The following RARB variants were observed in gnomAD, a reference collection of about 807,000 sequenced individuals.
The protein encoded by RARB is HBV-activated protein.
A neutral mutation model predicts 51.9 loss-of-function variants in RARB; 17 were observed. The observed-to-expected ratio is 0.33, with a 90% CI of 0.22 to 0.49. The LOEUF is 0.49. Ranked by LOEUF, RARB falls within the 20% of genes least tolerant of loss-of-function variation. The pLI is 0.99. For missense variants in RARB, 369 were observed against 550.8 expected, an observed-to-expected ratio of 0.67 and a Z score of 3.30; for synonymous variants, 215 against 195.4, an observed-to-expected ratio of 1.10 and a Z score of -0.84.
At chr3:25,557,505 G>C (rs1700109006) in intron 3 of RARB, among the ~76,000 whole-genome samples, 1 of 152,078 alleles carries the variant, frequency 6.6e-6, no homozygotes, top group South Asian at 2.1e-4. Flanking sequence ...TGGCACATGG[G>C]CACTTGGAAT....
intron 5 of RARB, among the ~76,000 whole-genome samples, chr3:25,231,472 C>A (rs756128149): frequency 6.6e-6 from 1 of 152,140 alleles, no homozygotes; most frequent in South Asian, 2.1e-4. Flanking sequence ...CCAAGCAATA[C>A]TCTTTGTTAA....
At chr3:25,187,579 G>A (rs968827027) in intron 5 of RARB, among the ~76,000 whole-genome samples, 2 of 151,592 alleles carry the variant, frequency 1.3e-5, no homozygotes, top group Non-Finnish European at 2.9e-5. Flanking sequence ...TAAGGCAAAT[G>A]GCTAATAAAA....
intron 1 of RARB, among the ~76,000 whole-genome samples, chr3:25,452,353 C>G (rs1213674345): frequency 6.6e-6 from 1 of 152,088 alleles, no homozygotes; most frequent in Non-Finnish European, 1.5e-5. Context: ...ACAGCACTTC[C>G]CGTGGTAAAA....
At chr3:25,471,650 T>C (rs139254893) in intron 2 of RARB, among the ~76,000 whole-genome samples, 1 of 151,432 alleles carries the variant, frequency 6.6e-6, no homozygotes, top group South Asian at 2.1e-4. Flanking sequence ...TTTAATTTGG[T>C]GGTTTTAAGA....
intron 2 of RARB, among the ~76,000 whole-genome samples, chr3:24,907,766 C>G (rs1281463775): frequency 6.6e-6 from 1 of 151,476 alleles, no homozygotes; most frequent in East Asian, 1.9e-4. Flanking sequence ...TCTAGTAAAC[C>G]CTAACTAAAG....
intron 5 of RARB, among the ~76,000 whole-genome samples, chr3:25,289,945 G>T (rs549698608): frequency 1.3e-5 from 2 of 152,162 alleles, no homozygotes; most frequent in African/African-American, 4.8e-5. Context: ...CCACAACTCT[G>T]AGCTGGGAAG....
At chr3:25,485,269 A>G (rs969545576) in intron 2 of RARB, among the ~76,000 whole-genome samples, 1 of 152,194 alleles carries the variant, frequency 6.6e-6, no homozygotes, top group Non-Finnish European at 1.5e-5. Flanking sequence ...TGCTTAATTA[A>G]TTCTTGCTCC....
chr3:25,262,754 A>C (rs73151287), intron 5 of RARB, among the ~76,000 whole-genome samples: 2,184 of 152,278 alleles, frequency 0.014, 49 homozygotes, highest in African/African-American at 0.05. Flanking sequence ...AGCAAGCTTA[A>C]TTCCTATATC....
chr3:24,967,381 G>GA (rs1166053700), intron 2 of RARB, among the ~76,000 whole-genome samples: 1 of 152,066 alleles, frequency 6.6e-6, no homozygotes, highest in Non-Finnish European at 1.5e-5. Context: ...CCTTAGCGTT[G>GA]CATTTCTTCA....
intron 2 of RARB, among the ~76,000 whole-genome samples, chr3:24,891,218 T>A (rs1703372217): frequency 6.6e-6 from 1 of 152,218 alleles, no homozygotes; most frequent in South Asian, 2.1e-4. Context: ...TTTCTACATA[T>A]ATTCCTATTT....
chr3:25,444,933 G>C (rs990853655), intron 1 of RARB, among the ~76,000 whole-genome samples: 1 of 151,918 alleles, frequency 6.6e-6, no homozygotes, highest in Non-Finnish European at 1.5e-5. Flanking sequence ...CTGGAGAAAT[G>C]AATGAACACC....
At chr3:25,468,892 C>A (rs1695564311) in intron 2 of RARB, among the ~76,000 whole-genome samples, 1 of 152,210 alleles carries the variant, frequency 6.6e-6, no homozygotes. Context: ...CCTAAGCCAA[C>A]CTTTGGGGGC....
rs1700630899 is a variant in RARB at position 25,569,607 on chromosome 3, C to T, written c.449-151C>T. ...GTCCCGCGGCTGCCAAATCCCTTTT[C>T]CAGGGAGGTGTGTTATTACCACCTC... On this transcript the variant is annotated intron_variant, in intron 3 of 7. Transcript: ENST00000330688. 8 of 893,020 alleles carry T rather than the reference C, an allele frequency of 9.0e-6. No homozygotes were observed. The South Asian group carries it at 1.4e-4, about 16-fold the overall frequency. 55.3% of individuals were successfully genotyped at this position (893,020 alleles called of 1,614,324 possible).
intron 5 of RARB, among the ~76,000 whole-genome samples, chr3:25,405,214 A>C (rs1274694852): frequency 6.6e-6 from 1 of 152,146 alleles, no homozygotes; most frequent in Non-Finnish European, 1.5e-5. Context: ...GAGCCACAAG[A>C]TTGACAAATA....
chr3:25,517,915 T>C (rs1271620028), intron 3 of RARB, among the ~76,000 whole-genome samples: 1 of 152,104 alleles, frequency 6.6e-6, no homozygotes, highest in African/African-American at 2.4e-5. Flanking sequence ...TTCTATGAGA[T>C]CATCCATACA....
Position 24,895,557 on chromosome 3 carries a change from CT to C in RARB, c.-380+36815del, listed in dbSNP as rs1553611655. ...TCAGGGAATTAATGCAAAATTTACG[CT>C]TTTTTTTTTCTTTCTATATGCTAAT... On this transcript the variant is annotated intron_variant, in intron 2 of 11. Coordinates refer to the RARB transcript ENST00000383772. Among the ~76,000 whole-genome samples the C allele has an allele frequency of 5.2e-3, 685 of 130,660 alleles. 11 individuals are homozygous for C. The East Asian group carries it at 0.087, about 17-fold the overall frequency. The allele number at this position is 130,660 out of a possible 152,430, so 85.7% of individuals were successfully genotyped here.
At chr3:24,943,567 G>T (rs1484250588) in intron 2 of RARB, among the ~76,000 whole-genome samples, 4 of 152,196 alleles carry the variant, frequency 2.6e-5, no homozygotes, top group Non-Finnish European at 4.4e-5. Context: ...ATTCTAGCTT[G>T]AGTTAGTGCT....
chr3:25,540,224 A>T (rs925482320), intron 3 of RARB, among the ~76,000 whole-genome samples: 2 of 152,310 alleles, frequency 1.3e-5, no homozygotes, highest in African/African-American at 4.8e-5. Flanking sequence ...AGCCAGCGAG[A>T]CCATGGAATT....
At chr3:25,362,804 A>T (rs1453110235) in intron 5 of RARB, among the ~76,000 whole-genome samples, 1 of 152,148 alleles carries the variant, frequency 6.6e-6, no homozygotes, top group African/African-American at 2.4e-5. Context: ...GGCTACACCC[A>T]CTGTCTAACC....
Sources: gnomAD v4.1 joint callset for allele counts (sites outside exome capture counted in the v4.1 genomes callset) on GRCh38, gnomAD v4.1.1 for gene constraint, MANE v1.5 for transcripts, NCBI Gene and HGNC (gene_info 2026-07-23, HGNC 2026-07-21) for gene names.